The following MCC variants were observed in gnomAD, a reference collection of about 807,000 sequenced individuals.
MCC encodes MCC regulator of Wnt signaling pathway.
In MCC, 90 loss-of-function variants were observed where a neutral mutation model predicts 116.2. The observed-to-expected ratio is 0.77, with a 90% CI of 0.65 to 0.92. MCC has a LOEUF of 0.92. MCC is among the 40% of genes least tolerant of loss of function. The probability of loss-of-function intolerance (pLI) is 0.00; values close to 1 mark genes in which losing one functional copy is unlikely to be tolerated. For synonymous variants in MCC, 578 were observed against 510.5 expected (o/e 1.13, Z -1.78); for missense variants, 1,516 against 1,312.2 (o/e 1.16, Z -2.40).
At chr5:113,452,246 C>T (rs1771421740) in intron 1 of MCC, among the ~76,000 whole-genome samples, 1 of 152,194 alleles carries the variant, frequency 6.6e-6, no homozygotes, top group African/African-American at 2.4e-5. Context: ...AATAGATCTA[C>T]TTTCTAGACA....
chr5:113,168,051 T>C (rs1258811388), intron 3 of MCC, among the ~76,000 whole-genome samples: 1 of 152,232 alleles, frequency 6.6e-6, no homozygotes, highest in African/African-American at 2.4e-5. Flanking sequence ...AACAGTTGTA[T>C]GTCCGTGAAG....
In MCC at chr5:113,434,945, G is replaced by T; in HGVS notation, c.171-49733C>A. ...CCTGGATAGAGAGTCCTTTGGGCTG[G>T]CCAGGCCTGCTGTTCCTGCCTCCTA... On this transcript the variant is annotated intron_variant, in intron 1 of 18. Transcript: ENST00000408903. The surrounding 1 kb of genome is among the most constrained non-coding windows in gnomAD (Gnocchi z 4.2). 7.1e-7 allele frequency: 1 copy of T among 1,401,632 alleles called. No homozygotes were observed. The highest frequency in any genetic ancestry group is 9.6e-7 in the Non-Finnish European group (1 of 1,039,906). The allele number at this position is 1,401,632 out of a possible 1,614,324, so 86.8% of individuals were successfully genotyped here. A position where few individuals can be genotyped will look rare whatever the true frequency, so the allele number is the denominator to read the frequency against.
At chr5:113,289,323 C>T (rs565121189) in intron 3 of MCC, among the ~76,000 whole-genome samples, 5 of 120,150 alleles carry the variant, frequency 4.2e-5, no homozygotes, top group Non-Finnish European at 6.7e-5. Context: ...AGAGAGGCTC[C>T]ATCTCAAAAA....
chr5:113,383,763 G>C (rs1335519142), intron 2 of MCC, among the ~76,000 whole-genome samples: 3 of 151,992 alleles, frequency 2.0e-5, no homozygotes, highest in African/African-American at 7.3e-5. Flanking sequence ...CATCTGATTT[G>C]CTGCTAAAGT....
At chr5:113,075,312 C>A (rs1330825877) in intron 11 of MCC, among the ~76,000 whole-genome samples, 1 of 152,226 alleles carries the variant, frequency 6.6e-6, no homozygotes, top group Admixed American at 6.5e-5. Flanking sequence ...CATGCCCGAG[C>A]CCCCCTCACC....
intron 1 of MCC, among the ~76,000 whole-genome samples, chr5:113,401,803 TA>T (rs1489087801): frequency 3.1e-4 from 47 of 151,576 alleles, no homozygotes; most frequent in African/African-American, 1.1e-3. Flanking sequence ...CTCTAGAAGT[TA>T]AAAACTTTAT....
chr5:113,063,488 G>A (rs867340110), intron 14 of MCC, among the ~76,000 whole-genome samples: 1 of 152,188 alleles, frequency 6.6e-6, no homozygotes, highest in Non-Finnish European at 1.5e-5. Flanking sequence ...TGAGGCAAAA[G>A]AGATGAGAGG....
intron 3 of MCC, among the ~76,000 whole-genome samples, chr5:113,277,311 T>C (rs923186274): frequency 7.3e-5 from 11 of 151,056 alleles, no homozygotes; most frequent in Non-Finnish European, 1.3e-4. Context: ...GAGGTTGCAG[T>C]GAGCCGAGAT....
intron 11 of MCC, among the ~76,000 whole-genome samples, chr5:113,077,113 T>C (rs939883773): frequency 6.6e-6 from 1 of 152,200 alleles, no homozygotes; most frequent in African/African-American, 2.4e-5. Context: ...CTAACTATCC[T>C]AAATATATAT....
chr5:113,177,475 G>A (rs1435100172), intron 3 of MCC, among the ~76,000 whole-genome samples: 1 of 152,126 alleles, frequency 6.6e-6, no homozygotes, highest in Non-Finnish European at 1.5e-5. Context: ...AATCTCTCAG[G>A]TACATAACCA....
intron 1 of MCC, among the ~76,000 whole-genome samples, chr5:113,397,910 G>A (rs1186486966): frequency 6.6e-6 from 1 of 152,218 alleles, no homozygotes; most frequent in African/African-American, 2.4e-5. Flanking sequence ...ACAGCCTACA[G>A]AATGGGAGAA....
At chr5:113,194,018 A>G (rs1487889019) in intron 3 of MCC, among the ~76,000 whole-genome samples, 1 of 152,196 alleles carries the variant, frequency 6.6e-6, no homozygotes, top group East Asian at 1.9e-4. Flanking sequence ...TACAGGTACC[A>G]CTATTCACAT....
At chr5:113,474,060 T>A (rs763874477) in intron 1 of MCC, among the ~76,000 whole-genome samples, 1 of 152,214 alleles carries the variant, frequency 6.6e-6, no homozygotes, top group Non-Finnish European at 1.5e-5. Context: ...AAAATGCACC[T>A]AATATGTATT....
chr5:113,293,606 C>CA (rs1267213217), intron 3 of MCC, among the ~76,000 whole-genome samples: 2 of 152,172 alleles, frequency 1.3e-5, no homozygotes, highest in African/African-American at 4.8e-5. Flanking sequence ...TGGCTTTGGG[C>CA]ATCTTACCGC....
rs1342284547 is a variant in MCC at position 113,074,246 on chromosome 5, G to A, written c.1785-3012C>T. 7.2e-5 allele frequency among the ~76,000 whole-genome samples: 11 copies of A among 152,334 alleles called. No individual in the cohort carries two copies. In the South Asian group the frequency reaches 1.2e-3, roughly 17 times the overall value. On this transcript the variant is annotated intron_variant, in intron 11 of 18. Transcript: ENST00000408903. ...CAGTATTTGCTGTTCTGCAGCCTCC[G>A]CTGGTGATACCCACACAAACAGGGT...
At chr5:113,277,613 T>C (rs894051490) in intron 3 of MCC, among the ~76,000 whole-genome samples, 3 of 152,202 alleles carry the variant, frequency 2.0e-5, no homozygotes, top group African/African-American at 7.2e-5. Context: ...CGGTCTGCTT[T>C]AGTTATAATG....
At chr5:113,039,343 C>T (rs934135258) in intron 17 of MCC, among the ~76,000 whole-genome samples, 1 of 152,226 alleles carries the variant, frequency 6.6e-6, no homozygotes, top group Admixed American at 6.5e-5. Flanking sequence ...GCAACAGCAC[C>T]TGGCTCACTC....
intron 8 of MCC, among the ~76,000 whole-genome samples, chr5:113,101,222 A>T (rs1756387795): frequency 6.6e-6 from 1 of 152,118 alleles, no homozygotes; most frequent in South Asian, 2.1e-4. Flanking sequence ...ACATACACAC[A>T]TACATATATG....
At chr5:113,367,747 C>A (rs1329814326) in intron 2 of MCC, among the ~76,000 whole-genome samples, 1 of 151,786 alleles carries the variant, frequency 6.6e-6, no homozygotes, top group Non-Finnish European at 1.5e-5. Context: ...GAAATGACAT[C>A]AGGGTAGGGT....
Sources: allele counts gnomAD v4.1 joint callset (sites outside exome capture counted in the v4.1 genomes callset), GRCh38; gene constraint gnomAD v4.1.1; non-coding constraint Gnocchi (gnomAD v3.1); transcripts MANE v1.5; gene names NCBI Gene and HGNC (gene_info 2026-07-23, HGNC 2026-07-21).